NCKAP5: variants seen among roughly 807,000 people sequenced by gnomAD.
NCKAP5 encodes the protein nck-associated protein 5.
NCKAP5 carries 92 observed loss-of-function variants against 167.0 expected under a neutral mutation model. The observed-to-expected ratio is 0.55, with a 90% CI of 0.47 to 0.66. The LOEUF is 0.66. Ranked by LOEUF, NCKAP5 falls within the 30% of genes least tolerant of loss-of-function variation. The pLI, the probability that NCKAP5 is intolerant of heterozygous loss-of-function variation, is 0.00. For synonymous variants in NCKAP5, 891 were observed against 877.4 expected (o/e 1.02, Z -0.27); for missense variants, 2,378 against 2,315.0 (o/e 1.03, Z -0.56).
At chr2:132,801,174 T>A (rs1377822604) in intron 11 of NCKAP5, among the ~76,000 whole-genome samples, 3 of 152,196 alleles carry the variant, frequency 2.0e-5, no homozygotes, top group Non-Finnish European at 4.4e-5. Flanking sequence ...TTGTTGAAGA[T>A]GAAGCCAACC....
intron 6 of NCKAP5, among the ~76,000 whole-genome samples, chr2:133,129,117 T>C (rs2082506655): frequency 6.6e-6 from 1 of 151,540 alleles, no homozygotes; most frequent in African/African-American, 2.4e-5. Context: ...TATTATACTT[T>C]AAGTTTTAGG....
chr2:132,870,628 T>A (rs1054449748), intron 9 of NCKAP5, among the ~76,000 whole-genome samples: 7 of 151,764 alleles, frequency 4.6e-5, no homozygotes, highest in African/African-American at 1.7e-4. Context: ...ATTCTTACAG[T>A]CAACGGGAGA....
chr2:132,813,432 T>C (rs1174812135), intron 11 of NCKAP5, among the ~76,000 whole-genome samples: 1 of 152,218 alleles, frequency 6.6e-6, no homozygotes, highest in Non-Finnish European at 1.5e-5. Flanking sequence ...GGAAGAAATG[T>C]AGACACAGTG....
chr2:133,483,677 T>C (rs945753316), intron 3 of NCKAP5, among the ~76,000 whole-genome samples: 9 of 152,212 alleles, frequency 5.9e-5, no homozygotes, highest in Non-Finnish European at 1.5e-5. Context: ...CAACGGGCTT[T>C]CTTTTAAACA....
intron 16 of NCKAP5, among the ~76,000 whole-genome samples, chr2:132,749,497 G>A (rs911248107): frequency 1.3e-5 from 2 of 152,206 alleles, no homozygotes; most frequent in African/African-American, 2.4e-5. Context: ...GCACCCAACC[G>A]AATCTCACTT....
chr2:133,148,324 G>T (rs1248924100), intron 5 of NCKAP5, among the ~76,000 whole-genome samples: 1 of 152,124 alleles, frequency 6.6e-6, no homozygotes, highest in East Asian at 1.9e-4. Flanking sequence ...TTATGCAAAT[G>T]AAGCAGACAC....
At chr2:133,511,187 G>A (rs1683458865) in intron 3 of NCKAP5, among the ~76,000 whole-genome samples, 1 of 152,172 alleles carries the variant, frequency 6.6e-6, no homozygotes, top group Non-Finnish European at 1.5e-5. Context: ...ACTGTCCCCA[G>A]CACCAGTGTT....
chr2:132,733,257 A>G (rs1691194327), intron 16 of NCKAP5, among the ~76,000 whole-genome samples: 1 of 152,204 alleles, frequency 6.6e-6, no homozygotes, highest in Admixed American at 6.5e-5. Flanking sequence ...GAAACTTCCT[A>G]GGTTTCATCT....
chr2:133,030,007 A>G (rs1006444), intron 6 of NCKAP5, among the ~76,000 whole-genome samples: 41,650 of 152,174 alleles, frequency 0.27, 7,349 homozygotes, highest in Non-Finnish European at 0.38. Flanking sequence ...GTTACTACGC[A>G]GCTGTCAGTG....
At chr2:133,655,213 C>G in the NCKAP5 span, among the ~76,000 whole-genome samples, 1 of 152,218 alleles carries the variant, frequency 6.6e-6, no homozygotes, top group East Asian at 1.9e-4. Context: ...TCTGCTCACT[C>G]TCCACACAAA....
At chr2:133,309,484 G>C (rs1681077903) in intron 3 of NCKAP5, among the ~76,000 whole-genome samples, 1 of 151,926 alleles carries the variant, frequency 6.6e-6, no homozygotes, top group African/African-American at 2.4e-5. Flanking sequence ...CTGAAGGTGG[G>C]GGGCACCAAG....
In NCKAP5 at chr2:133,383,312, G is replaced by A. The variant is rs554552036; in HGVS notation, c.70-80202C>T. ...TTCCCACCTATGAGTGACAACATGCGGTGTTTGGTTTTTTGTTCTTGCGAT... is the reference window on the plus strand; with the variant it reads ...TTCCCACCTATGAGTGACAACATGCAGTGTTTGGTTTTTTGTTCTTGCGAT... On this transcript the variant is annotated intron_variant, in intron 3 of 19. Transcript: ENST00000409261. Among the ~76,000 whole-genome samples the A allele has an allele frequency of 9.9e-5, 15 of 152,184 alleles. No individual in the cohort carries two copies. The South Asian group carries it at 2.9e-3, about 30-fold the overall frequency.
At chr2:133,598,591 G>A in the NCKAP5 span, among the ~76,000 whole-genome samples, 2 of 152,128 alleles carry the variant, frequency 1.3e-5, no homozygotes, top group Non-Finnish European at 2.9e-5. Context: ...TGACAACAGG[G>A]GCCCAGTTGC....
intron 19 of NCKAP5, among the ~76,000 whole-genome samples, chr2:132,707,277 C>T (rs11903002): frequency 0.061 from 9,356 of 152,280 alleles, 902 homozygotes; most frequent in African/African-American, 0.21. Flanking sequence ...GAAAGTAACA[C>T]GAGGCAGAAC....
At chr2:133,566,183 A>T (rs1386623663) in intron 1 of NCKAP5, among the ~76,000 whole-genome samples, 1 of 151,976 alleles carries the variant, frequency 6.6e-6, no homozygotes, top group Admixed American at 6.6e-5. Flanking sequence ...TCAGTGAGAG[A>T]ATGAAGTGGG....
rs138971064 is a variant in NCKAP5 at position 133,113,707 on chromosome 2, G to A, written c.341+16271C>T. 6.6e-3 allele frequency among the ~76,000 whole-genome samples: 998 copies of A among 152,244 alleles called. 3 individuals are homozygous for A. Among genetic ancestry groups the A allele is most frequent in the African/African-American group, 0.023 (942 of 41,546 alleles). On this transcript the variant is annotated intron_variant, in intron 6 of 19. Coordinates refer to ENST00000409261, the MANE Select transcript of NCKAP5 (RefSeq NM_207363.3). ...TCCAGGACCTGCTGGGTATGTGTGC[G>A]CACCCAAGATCCAAAAAGTAGCCAA...
At chr2:133,499,765 G>A (rs1682325207) in intron 3 of NCKAP5, among the ~76,000 whole-genome samples, 1 of 152,076 alleles carries the variant, frequency 6.6e-6, no homozygotes, top group Non-Finnish European at 1.5e-5. Flanking sequence ...TCACCATGTA[G>A]GCCAGACTAG....
intron 6 of NCKAP5, among the ~76,000 whole-genome samples, chr2:133,060,707 G>A (rs1014796166): frequency 6.6e-6 from 1 of 152,122 alleles, no homozygotes; most frequent in Non-Finnish European, 1.5e-5. Flanking sequence ...GTACACACAC[G>A]AGTAAAGAAT....
chr2:132,965,303 C>T (rs2076627022), intron 7 of NCKAP5, among the ~76,000 whole-genome samples: 2 of 152,140 alleles, frequency 1.3e-5, no homozygotes. Context: ...GGAAACAAGT[C>T]CAGGTCATGG....
Sources: gnomAD v4.1 joint callset for allele counts (sites outside exome capture counted in the v4.1 genomes callset) on GRCh38, gnomAD v4.1.1 for gene constraint, MANE v1.5 for transcripts, NCBI Gene and HGNC (gene_info 2026-07-23, HGNC 2026-07-21) for gene names.